Variants in TTC34 observed in about 807,000 individuals in gnomAD.
TTC34 encodes the protein tetratricopeptide repeat domain 34.
A neutral mutation model predicts 40.7 loss-of-function variants in TTC34; 44 were observed. The ratio of observed to expected loss-of-function variants is 1.08; its 90% CI spans 0.85 to 1.39. The LOEUF is 1.39. Among genes scored for constraint, TTC34 ranks in the 40% most tolerant of loss-of-function variants. The pLI, the probability that TTC34 is intolerant of heterozygous loss-of-function variation, is 0.00. For synonymous variants in TTC34, 422 were observed against 398.6 expected, an observed-to-expected ratio of 1.06 and a Z score of -0.70; for missense variants, 884 against 838.0, an observed-to-expected ratio of 1.05 and a Z score of -0.68.
intron 6 of TTC34, among the ~76,000 whole-genome samples, chr1:2,686,367 G>T (rs1275103201): frequency 6.6e-6 from 1 of 151,322 alleles, no homozygotes; most frequent in Non-Finnish European, 1.5e-5. Flanking sequence ...ACACCCCCAG[G>T]TGCGCATGTG....
intron 6 of TTC34, among the ~76,000 whole-genome samples, chr1:2,684,291 T>A (rs1186468406): frequency 1.4e-5 from 2 of 144,622 alleles, no homozygotes; most frequent in African/African-American, 5.2e-5. Flanking sequence ...GGCAAGCATA[T>A]GACAGCCTGG....
intron 6 of TTC34, among the ~76,000 whole-genome samples, chr1:2,752,451 C>T (rs1641354010): frequency 4.4e-5 from 6 of 136,506 alleles, no homozygotes; most frequent in South Asian, 2.4e-4. Context: ...GCACCCTGCA[C>T]CCCCAGGTGC....
intron 6 of TTC34, among the ~76,000 whole-genome samples, chr1:2,751,409 AC>A (rs1641314808): frequency 1.9e-5 from 2 of 105,992 alleles, no homozygotes; most frequent in Non-Finnish European, 3.8e-5. Flanking sequence ...ACCCACACAC[AC>A]AGGTGGGCAT....
chr1:2,655,447 C>A (rs1349297050), intron 6 of TTC34, among the ~76,000 whole-genome samples: 2 of 124,522 alleles, frequency 1.6e-5, no homozygotes, highest in South Asian at 2.7e-4. Flanking sequence ...TGGAGCAGCA[C>A]CCACACCCCC....
At chr1:2,681,584 ACCCACAGG>A (rs1640076779) in intron 6 of TTC34, among the ~76,000 whole-genome samples, 1 of 50,646 alleles carries the variant, frequency 2.0e-5, no homozygotes, top group Non-Finnish European at 4.0e-5. Flanking sequence ...CAGCATCCAC[ACCCACAGG>A]TGAGCATCAG....
chr1:2,798,651 C>A (rs1174133219), intron 2 of TTC34, among the ~76,000 whole-genome samples: 1 of 126,828 alleles, frequency 7.9e-6, no homozygotes, highest in Non-Finnish European at 1.7e-5. Context: ...CCCAGCCTCC[C>A]AGGCTCCCAG....
At chr1:2,660,543 A>AC (rs1639510669) in intron 6 of TTC34, among the ~76,000 whole-genome samples, 1 of 22,770 alleles carries the variant, frequency 4.4e-5, no homozygotes, top group African/African-American at 1.2e-4. Context: ...AGGGAGCAGC[A>AC]CCCATAGCCC....
rs1430495004 is a variant in TTC34 at position 2,652,167 on chromosome 1, C to A, written c.2227-6604G>T. On this transcript the variant is annotated intron_variant, in intron 6 of 8. Transcript: ENST00000401095. ...ACAGCCTGGAACACAACCCACACCC[C>A]CAGGTGAGCATCTGACAGACTGGAA... Among the ~76,000 whole-genome samples, 110 of 143,256 alleles carry A rather than the reference C, an allele frequency of 7.7e-4. 10 individuals carry two copies. Among genetic ancestry groups the A allele is most frequent in the Middle Eastern group, 7.5e-3 (2 of 266 alleles). The allele number at this position is 143,256 out of a possible 152,430, so 94.0% of individuals were successfully genotyped here.
chr1:2,756,661 CCA>C (rs1641516170), intron 6 of TTC34, among the ~76,000 whole-genome samples: 1 of 149,628 alleles, frequency 6.7e-6, no homozygotes, highest in African/African-American at 2.5e-5. Context: ...GGAACAGCAC[CCA>C]CACCCCCAGG....
chr1:2,697,749 TG>T (rs1640935276), intron 6 of TTC34, among the ~76,000 whole-genome samples: 1 of 80,732 alleles, frequency 1.2e-5, no homozygotes. Context: ...TCTGACAGCC[TG>T]GAAGAGCAAC....
rs1238325319 is a variant in TTC34 at position 2,800,131 on chromosome 1, C to CT, written c.696dup (p.Ala233SerfsTer9). The CT allele has an allele frequency of 5.0e-6, 2 of 398,460 alleles. No homozygotes were observed. The highest frequency in any genetic ancestry group is 8.8e-6 in the Non-Finnish European group (2 of 226,046). 24.7% of individuals were successfully genotyped at this position (398,460 alleles called of 1,614,324 possible). ...TCAAACCTGCCGCTGTGGAGCAGAG[C>CT]TTCAGGTGACAGGGTGTCACTCCGG... On this transcript the variant is annotated frameshift_variant, in exon 2 of 9. Transcript: ENST00000401095. LOFTEE classifies it high-confidence loss of function.
At chr1:2,651,797 C>A (rs899309642) in intron 6 of TTC34, among the ~76,000 whole-genome samples, 2 of 151,734 alleles carry the variant, frequency 1.3e-5, no homozygotes, top group Non-Finnish European at 2.9e-5. Context: ...CGGAAAAACA[C>A]CCTCCACCAC....
At chr1:2,789,513 T>A in exon 3 of TTC34, 1 of 1,504,788 alleles carries the variant, frequency 6.6e-7, no homozygotes, top group Non-Finnish European at 8.8e-7. Context: ...CCCTCCTGCG[T>A]GGTGGGGCCG....
chr1:2,657,425 A>G (rs1570766119), intron 6 of TTC34, among the ~76,000 whole-genome samples: 1 of 88,150 alleles, frequency 1.1e-5, no homozygotes, highest in Non-Finnish European at 2.9e-5. Context: ...CAGTACCCCC[A>G]GGCGAGCATC....
At chr1:2,675,456 C>G (rs1442246930) in intron 6 of TTC34, among the ~76,000 whole-genome samples, 3 of 112,350 alleles carry the variant, frequency 2.7e-5, no homozygotes, top group African/African-American at 6.1e-5. Flanking sequence ...AGGTGAGCAT[C>G]TGACAGCATG....
At chr1:2,684,313 C>A (rs1301286090) in intron 6 of TTC34, among the ~76,000 whole-genome samples, 2 of 136,998 alleles carry the variant, frequency 1.5e-5, no homozygotes, top group South Asian at 2.3e-4. Flanking sequence ...TCGGCACCCA[C>A]ACCCCCAAGT....
chr1:2,683,583 G>T (rs1395317024), intron 6 of TTC34, among the ~76,000 whole-genome samples: 3 of 138,800 alleles, frequency 2.2e-5, no homozygotes, highest in Non-Finnish European at 4.6e-5. Flanking sequence ...GCCTGGAACA[G>T]CACCCACACA....
chr1:2,685,887 T>G (rs1570812372), intron 6 of TTC34, among the ~76,000 whole-genome samples: 3 of 149,324 alleles, frequency 2.0e-5, no homozygotes, highest in Admixed American at 1.3e-4. Context: ...CACCCCCAGG[T>G]GAGCATCTGA....
At chr1:2,641,806 G>A (rs1016005255) in exon 9 of TTC34, 78 of 1,535,084 alleles carry the variant, frequency 5.1e-5, no homozygotes, top group Non-Finnish European at 6.4e-5. Flanking sequence ...AGGCACTGCT[G>A]CCACTGGCCA....
Sources: allele counts gnomAD v4.1 joint callset (sites outside exome capture counted in the v4.1 genomes callset), GRCh38; gene constraint gnomAD v4.1.1; transcripts MANE v1.5; gene names NCBI Gene and HGNC (gene_info 2026-07-23, HGNC 2026-07-21).